The following KLRG1 variants were observed in gnomAD, a reference collection of about 807,000 sequenced individuals.
KLRG1 encodes the protein killer cell lectin-like receptor subfamily G member 1.
Under a neutral mutation model 21.8 loss-of-function variants are expected in KLRG1, and 16 were observed. That is an observed-to-expected ratio of 0.73 (90% confidence interval 0.50 to 1.11). The LOEUF (loss-of-function observed/expected upper bound fraction) is 1.11. KLRG1 is among the 50% of genes most tolerant of loss of function. The probability of loss-of-function intolerance (pLI) is 0.00; values close to 1 mark genes in which losing one functional copy is unlikely to be tolerated. For missense variants in KLRG1, 173 were observed against 218.3 expected (o/e 0.79, Z 1.31); for synonymous variants, 69 against 75.9 (o/e 0.91, Z 0.47).
intron 1 of KLRG1, among the ~76,000 whole-genome samples, chr12:8,976,697 T>C (rs1472661054): frequency 6.6e-6 from 1 of 152,212 alleles, no homozygotes; most frequent in Non-Finnish European, 1.5e-5. Context: ...ATTGACCTTT[T>C]TATCAATATA....
At chr12:9,003,567 A>C (rs1225559956) in intron 3 of KLRG1, among the ~76,000 whole-genome samples, 2 of 152,102 alleles carry the variant, frequency 1.3e-5, no homozygotes, top group South Asian at 4.2e-4. Context: ...TGAAAATTAC[A>C]GTGTCATTTC....
chr12:8,995,538 T>C (rs1947104094), intron 3 of KLRG1, among the ~76,000 whole-genome samples: 2 of 152,086 alleles, frequency 1.3e-5, no homozygotes, highest in African/African-American at 2.4e-5. Flanking sequence ...GCAACCCAGA[T>C]GCTTGTATAG....
chr12:9,074,180 T>C, the KLRG1 span, among the ~76,000 whole-genome samples: 3 of 151,644 alleles, frequency 2.0e-5, no homozygotes, highest in African/African-American at 7.2e-5. Flanking sequence ...ATGGAGAGAT[T>C]TGCGAGGAGA....
the KLRG1 span, chr12:9,200,269 G>C: frequency 1.3e-6 from 1 of 767,130 alleles, no homozygotes; most frequent in East Asian, 2.7e-5. Context: ...TATTACAAAA[G>C]TGCTGAGGCA....
At chr12:8,991,727 G>T (rs867705772) in intron 1 of KLRG1, among the ~76,000 whole-genome samples, 138 of 152,130 alleles carry the variant, frequency 9.1e-4, no homozygotes, top group African/African-American at 3.2e-3. Flanking sequence ...GTATTTGACT[G>T]GCCTTTTACT....
Position 9,010,262 on chromosome 12 carries a change from C to T in KLRG1, c.*725C>T. 1 of 473,540 alleles carries T rather than the reference C, an allele frequency of 2.1e-6. No homozygotes were observed. Among genetic ancestry groups the T allele is most frequent in the South Asian group, 3.4e-5 (1 of 29,008 alleles). 29.3% of individuals were successfully genotyped at this position (473,540 alleles called of 1,614,324 possible). On this transcript the variant is annotated 3_prime_UTR_variant, in exon 5 of 5. Coordinates refer to ENST00000356986, the MANE Select transcript of KLRG1 (RefSeq NM_005810.4). ...GAGGGCAAGGTGGTACTTCCTCCTT[C>T]TGAGCTCTTCACACGTAATGCAAAA...
the KLRG1 span, among the ~76,000 whole-genome samples, chr12:9,023,437 AT>A: frequency 6.6e-6 from 1 of 152,130 alleles, no homozygotes; most frequent in Middle Eastern, 3.4e-3. Context: ...TTCTTTTTGT[AT>A]GTTGTTAAGG....
the KLRG1 span, chr12:9,099,265 T>A: frequency 2.3e-4 from 219 of 950,440 alleles, 2 homozygotes; most frequent in East Asian, 3.8e-3. Flanking sequence ...TTGCTGAATG[T>A]CTCTGGGGAA....
the KLRG1 span, chr12:9,113,486 A>G: frequency 6.2e-7 from 1 of 1,613,900 alleles, no homozygotes; most frequent in South Asian, 1.1e-5. Flanking sequence ...TCAGAAGGAC[A>G]CAGCCCTTCT....
the KLRG1 span, chr12:9,115,582 T>C: frequency 2.5e-5 from 14 of 554,102 alleles, no homozygotes; most frequent in Admixed American, 1.9e-4. Context: ...CTTCAGAGAG[T>C]TGGGGAAGAA....
chr12:9,191,483 G>A, the KLRG1 span, among the ~76,000 whole-genome samples: 1 of 151,624 alleles, frequency 6.6e-6, no homozygotes, highest in African/African-American at 2.4e-5. Flanking sequence ...TTTCAAAACT[G>A]AAAAATAAAA....
the KLRG1 span, chr12:9,196,437 G>A: frequency 1.6e-5 from 26 of 1,608,174 alleles, no homozygotes; most frequent in South Asian, 2.4e-4. Context: ...GTGACTTCCA[G>A]GTCTGAAAAA....
At chr12:9,067,995 C>A in the KLRG1 span, 1 of 956,730 alleles carries the variant, frequency 1.0e-6, no homozygotes. Context: ...ATAAGCAATC[C>A]TATGGACTCT....
chr12:9,096,076 G>T, the KLRG1 span, among the ~76,000 whole-genome samples: 2 of 152,124 alleles, frequency 1.3e-5, no homozygotes, highest in Admixed American at 1.3e-4. Flanking sequence ...CATTTTTTAA[G>T]TTCAAGGAGA....
upstream of KLRG1, among the ~76,000 whole-genome samples, chr12:8,989,350 T>C (rs1292716708): frequency 6.6e-6 from 1 of 152,240 alleles, no homozygotes; most frequent in Admixed American, 6.5e-5. Context: ...ATTGCTGGAC[T>C]TGAGAGCAAT....
chr12:9,085,485 T>A, the KLRG1 span, among the ~76,000 whole-genome samples: 1 of 151,798 alleles, frequency 6.6e-6, no homozygotes, highest in Admixed American at 6.6e-5. Flanking sequence ...AAATGGAGCA[T>A]AACAAAACAT....
the KLRG1 span, among the ~76,000 whole-genome samples, chr12:9,147,315 A>G: frequency 6.6e-6 from 1 of 152,178 alleles, no homozygotes; most frequent in Admixed American, 6.5e-5. Context: ...GATAGAAACC[A>G]GTTCTCTGGG....
chr12:9,007,648 G>C (rs1334441995), intron 3 of KLRG1, among the ~76,000 whole-genome samples: 2 of 152,166 alleles, frequency 1.3e-5, no homozygotes, highest in Non-Finnish European at 2.9e-5. Context: ...GTTAAGAGCA[G>C]AGCCCATAAA....
chr12:9,091,087 C>G, the KLRG1 span: 1 of 1,289,250 alleles, frequency 7.8e-7, no homozygotes, highest in South Asian at 1.5e-5. Context: ...CTTTTACAAT[C>G]ATGAATATCT....
Sources: allele counts gnomAD v4.1 joint callset (sites outside exome capture counted in the v4.1 genomes callset), GRCh38; gene constraint gnomAD v4.1.1; transcripts MANE v1.5; gene names NCBI Gene and HGNC (gene_info 2026-07-23, HGNC 2026-07-21).